AP3B1: variants seen among roughly 807,000 people sequenced by gnomAD.
AP3B1 encodes the protein adaptor related protein complex 3 subunit beta 1, also known as AP-3 complex subunit beta-1.
AP3B1 carries 61 observed loss-of-function variants against 132.5 expected under a neutral mutation model. The observed-to-expected ratio is 0.46, with a 90% CI of 0.37 to 0.57. The LOEUF (loss-of-function observed/expected upper bound fraction) is 0.57. Among genes scored for constraint, AP3B1 ranks in the 20% least tolerant of loss-of-function variants. The pLI is 0.00. For missense variants in AP3B1, 1,120 were observed against 1,289.4 expected (o/e 0.87, Z 2.01); for synonymous variants, 388 against 438.3 (o/e 0.89, Z 1.43).
At chr5:78,194,162 CATGGCTGTTATGA>C in intron 7 of AP3B1, among the ~76,000 whole-genome samples, 1 of 152,100 alleles carries the variant, frequency 6.6e-6, no homozygotes, top group African/African-American at 2.4e-5. Flanking sequence ...ATGTAGCTAG[CATGGCTGTTATGA>C]AGCCTTTAAA....
At chr5:78,236,189 A>C (rs1182681573) in intron 3 of AP3B1, among the ~76,000 whole-genome samples, 2 of 152,214 alleles carry the variant, frequency 1.3e-5, no homozygotes, top group Non-Finnish European at 2.9e-5. Context: ...GCAAATGGAA[A>C]AGTTCTCCTA....
At chr5:78,177,643 G>A (rs1298035682) in intron 8 of AP3B1, among the ~76,000 whole-genome samples, 1 of 152,062 alleles carries the variant, frequency 6.6e-6, no homozygotes, top group Non-Finnish European at 1.5e-5. Context: ...TTGGAAGTGG[G>A]ATCTCTGCAG....
At chr5:78,111,712 GA>G (rs1468037581) in intron 19 of AP3B1, among the ~76,000 whole-genome samples, 1 of 152,058 alleles carries the variant, frequency 6.6e-6, no homozygotes, top group Non-Finnish European at 1.5e-5. Context: ...TATTTTCCTG[GA>G]AACTAAAGGT....
intron 20 of AP3B1, chr5:78,101,335 C>A (rs756192287): frequency 1.3e-5 from 6 of 455,370 alleles, no homozygotes; most frequent in Non-Finnish European, 2.6e-5. Flanking sequence ...CGTAAAGTGG[C>A]TCTTTGGTAG....
intron 7 of AP3B1, among the ~76,000 whole-genome samples, chr5:78,199,957 ACT>A (rs1210419666): frequency 1.3e-5 from 2 of 152,198 alleles, no homozygotes; most frequent in Non-Finnish European, 2.9e-5. Context: ...TATAGGATAC[ACT>A]GAGTCACTGG....
chr5:78,060,208 TGAG>T (rs1477945387), intron 22 of AP3B1, among the ~76,000 whole-genome samples: 1 of 152,218 alleles, frequency 6.6e-6, no homozygotes, highest in Non-Finnish European at 1.5e-5. Context: ...AGTCTCTGAA[TGAG>T]GACTCTTAAG....
intron 7 of AP3B1, among the ~76,000 whole-genome samples, chr5:78,208,131 T>C (rs976188460): frequency 9.2e-5 from 14 of 151,478 alleles, no homozygotes. Flanking sequence ...GCCTAAGAAA[T>C]AGGATTCAAC....
chr5:78,284,392 C>T (rs948139183), intron 1 of AP3B1, among the ~76,000 whole-genome samples: 1 of 152,058 alleles, frequency 6.6e-6, no homozygotes, highest in African/African-American at 2.4e-5. Flanking sequence ...TTAATAAGGT[C>T]CATTCTACAT....
intron 6 of AP3B1, among the ~76,000 whole-genome samples, chr5:78,220,900 T>G (rs1043980363): frequency 2.6e-5 from 4 of 152,012 alleles, no homozygotes; most frequent in African/African-American, 9.7e-5. Context: ...TTTTTTTTAA[T>G]TAGCTGGGCA....
chr5:78,241,013 G>A, intron 2 of AP3B1, 77 bp from the exon 3 acceptor site: 1 of 1,033,114 alleles, frequency 9.7e-7, no homozygotes. Context: ...CAACAAATAA[G>A]CTACGTAATT....
In AP3B1 at chr5:78,118,361, G is replaced by A. The variant is rs181026129; in HGVS notation, c.1969-2127C>T. 2.5e-3 allele frequency among the ~76,000 whole-genome samples: 378 copies of A among 152,282 alleles called. 2 individuals carry two copies. Among genetic ancestry groups the A allele is most frequent in the African/African-American group, 5.2e-3 (215 of 41,562 alleles). On this transcript the variant is annotated intron_variant, in intron 17 of 26. Transcript: ENST00000255194. ...GGGTGCAGCGCACTGTGCGCAAGCC[G>A]GAGCAGGATGAGGCATTGCCTCACT...
At chr5:78,081,540 G>A (rs1323029572) in intron 22 of AP3B1, among the ~76,000 whole-genome samples, 2 of 151,808 alleles carry the variant, frequency 1.3e-5, no homozygotes, top group East Asian at 1.9e-4. Flanking sequence ...CTCGTGATCC[G>A]CCCGCCTCGG....
At chr5:78,199,010 A>G (rs1236314010) in intron 7 of AP3B1, among the ~76,000 whole-genome samples, 1 of 152,150 alleles carries the variant, frequency 6.6e-6, no homozygotes, top group Non-Finnish European at 1.5e-5. Flanking sequence ...TATGCTATAC[A>G]CTTTACATGT....
chr5:78,172,506 T>G (rs1051991902), intron 11 of AP3B1, among the ~76,000 whole-genome samples: 4 of 152,230 alleles, frequency 2.6e-5, no homozygotes, highest in Non-Finnish European at 4.4e-5. Flanking sequence ...CTTCTAGATT[T>G]TCTAGTTGAT....
intron 22 of AP3B1, among the ~76,000 whole-genome samples, chr5:78,088,613 G>C (rs1750367166): frequency 6.6e-6 from 1 of 152,044 alleles, no homozygotes; most frequent in African/African-American, 2.4e-5. Context: ...GTAGTACCCT[G>C]CCAGCCCTGA....
chr5:78,081,912 AAAC>A (rs3050110), intron 22 of AP3B1, among the ~76,000 whole-genome samples: 7,043 of 152,186 alleles, frequency 0.046, 536 homozygotes, highest in African/African-American at 0.16. Flanking sequence ...TAAAAAAAAA[AAAC>A]AGTTATAATC....
intron 2 of AP3B1, among the ~76,000 whole-genome samples, chr5:78,266,763 C>T (rs1748339281): frequency 6.6e-6 from 1 of 152,048 alleles, no homozygotes; most frequent in Non-Finnish European, 1.5e-5. Flanking sequence ...AGCAAAACTC[C>T]TGAGCATCAG....
At chr5:78,270,993 T>C (rs777740301) in intron 1 of AP3B1, among the ~76,000 whole-genome samples, 4 of 152,126 alleles carry the variant, frequency 2.6e-5, no homozygotes, top group Non-Finnish European at 5.9e-5. Flanking sequence ...ACAACAAACA[T>C]AATAAGTAAG....
At chr5:78,278,941 C>T (rs971151369) in intron 1 of AP3B1, among the ~76,000 whole-genome samples, 5 of 152,072 alleles carry the variant, frequency 3.3e-5, no homozygotes, top group African/African-American at 4.8e-5. Flanking sequence ...CCAACCCCCA[C>T]CCCCTTCCAT....
Sources: allele counts gnomAD v4.1 joint callset (sites outside exome capture counted in the v4.1 genomes callset), GRCh38; gene constraint gnomAD v4.1.1; transcripts MANE v1.5; gene names NCBI Gene and HGNC (gene_info 2026-07-23, HGNC 2026-07-21).